The following SIRT7 variants were observed in gnomAD, a reference collection of about 807,000 sequenced individuals.
The protein encoded by SIRT7 is sirtuin 7.
In SIRT7, 32 loss-of-function variants were observed where a neutral mutation model predicts 42.8. That is an observed-to-expected ratio of 0.75 (90% confidence interval 0.56 to 1.00). The LOEUF is 1.00. Ranked by LOEUF, SIRT7 falls within the 50% of genes least tolerant of loss-of-function variation. The pLI, the probability that SIRT7 is intolerant of heterozygous loss-of-function variation, is 0.00. For synonymous variants in SIRT7, 297 were observed against 245.2 expected (o/e 1.21, Z -1.97); for missense variants, 553 against 572.2 (o/e 0.97, Z 0.34).
At chr17:81,914,254 G>A in intron 7 of SIRT7, 40 bp downstream of exon 7, 1 of 1,611,664 alleles carries the variant, frequency 6.2e-7, no homozygotes. Context: ...CCCTCGGGCG[G>A]GCAGGGGCTC....
At chr17:81,917,522 A>G in intron 3 of SIRT7, 93 bp downstream of exon 3, 1 of 1,122,000 alleles carries the variant, frequency 8.9e-7, no homozygotes, top group Non-Finnish European at 1.2e-6. Flanking sequence ...TTTCTTTAAG[A>G]GAAAAAACCT....
chr17:81,914,174 A>C lies in SIRT7; in HGVS notation c.817-7T>G. The C allele has an allele frequency of 6.2e-7, 1 of 1,613,526 alleles. No individual in the cohort carries two copies. Among genetic ancestry groups the C allele is most frequent in the Non-Finnish European group, 8.5e-7 (1 of 1,179,996 alleles). On this transcript the variant is annotated splice_polypyrimidine_tract_variant and splice_region_variant and intron_variant, in intron 7 of 9. Transcript: ENST00000328666. ...GTGGGTACTTCTTTAGAACCTGTGG[A>C]AGCAGACAGACAGACACCGCACACA...
chr17:81,915,116 C>T (rs1287782804), intron 5 of SIRT7: 3 of 503,856 alleles, frequency 6.0e-6, no homozygotes, highest in Non-Finnish European at 1.1e-5. Flanking sequence ...GCAGAAGGTC[C>T]CCAGAGATGT....
At chr17:81,916,628 G>C (rs546825896) in intron 3 of SIRT7, 1 of 152,082 alleles carries the variant, frequency 6.6e-6, no homozygotes, top group Non-Finnish European at 1.5e-5. Flanking sequence ...CACCATGCCC[G>C]ACTAATTTTT....
chr17:81,912,753 G>C (rs1214247125), intron 9 of SIRT7, 139 bp from the exon 10 acceptor site: 3 of 894,364 alleles, frequency 3.4e-6, no homozygotes, highest in Admixed American at 2.1e-5. Flanking sequence ...GGCTCTGGTT[G>C]GCGGCAGCTT....
At chr17:81,917,758 C>A in intron 2 of SIRT7, 39 bp from the exon 3 acceptor site, 1 of 1,469,892 alleles carries the variant, frequency 6.8e-7, no homozygotes, top group Non-Finnish European at 9.0e-7. Flanking sequence ...CCGGGCCGCC[C>A]CACCCGGGAC....
Position 81,912,535 on chromosome 17 carries a change from T to C in SIRT7, c.1084A>G (p.Arg362Gly), listed in dbSNP as rs1456441234. Residue 362 changes from arginine (R) to glycine (G), a missense_variant, in exon 10 of 10, where the codon AGA becomes GGA. Arg to Gly is a moderately radical substitution (Grantham distance 125). Transcript: ENST00000328666. ...CCAGGCGGGGCCTCCTCTCTGCTTC[T>C]GCACAGCGACTTCCGACTGTGGCTG... ...EGSHSRKSLC[R>G]SREEAPPGDR... is the part of the protein sequence containing the mutation. 1.2e-6 allele frequency: 2 copies of C among 1,613,676 alleles called. No homozygotes were observed. The highest frequency in any genetic ancestry group is 2.2e-5 in the South Asian group (2 of 91,092).
rs752939936 is a variant in SIRT7, at chr17:81,918,048, G to T, written c.84C>A (p.Arg28=). ...RRLREEQQRE[R]LRQVSRILRK... ...AGCGGCGGCGGCGTACCTGGCGGAG[G>T]CGCTCCCTCTGCTGCTCCTCCCGCA... The change falls in exon 1 of 10, where the codon CGC becomes CGA. Residue 28 remains arginine (R), a synonymous_variant. Transcript: ENST00000328666. The T allele has an allele frequency of 1.3e-5, 20 of 1,511,420 alleles. No individual in the cohort carries two copies. The African/African-American group carries it at 2.3e-4, about 17-fold the overall frequency. 93.6% of individuals were successfully genotyped at this position (1,511,420 alleles called of 1,614,324 possible).
chr17:81,917,512 T>C (rs2040827292), intron 3 of SIRT7, 103 bp downstream of exon 3: 1 of 1,044,946 alleles, frequency 9.6e-7, no homozygotes, highest in Non-Finnish European at 1.3e-6. Flanking sequence ...GGTCATTTCG[T>C]TTCTTTAAGA....
chr17:81,914,842 T>A, intron 5 of SIRT7, 140 bp from the exon 6 acceptor site: 1 of 674,292 alleles, frequency 1.5e-6, no homozygotes. Flanking sequence ...CCAGAGAGCC[T>A]TAGAAAGTAA....
In SIRT7 at chr17:81,914,663, G is replaced by A. The variant is rs2040759690; in HGVS notation, c.520C>T (p.Leu174=). Residue 174 remains leucine (L), a synonymous_variant, in exon 6 of 10, where the codon CTG becomes TTG. Coordinates refer to ENST00000328666, the MANE Select transcript of SIRT7 (RefSeq NM_016538.3). ...GCCGTGCGCGGCAGCCCACTCCTCA[G>A]GTGGAGCCCGTCACAGTTCTGAGAC... The part of the protein sequence containing the change: ...VVSQNCDGLH[L]RSGLPRTAIS... The A allele has an allele frequency of 2.5e-6, 4 of 1,612,904 alleles. No homozygotes were observed. Among genetic ancestry groups the A allele is most frequent in the Non-Finnish European group, 3.4e-6 (4 of 1,180,016 alleles).
chr17:81,915,631 A>C lies in SIRT7; in HGVS notation c.387T>G (p.Leu129=), dbSNP rs772110137. 1.2e-6 allele frequency: 2 copies of C among 1,613,802 alleles called. No homozygotes were observed. The highest frequency in any genetic ancestry group is 1.7e-6 in the Non-Finnish European group (2 of 1,180,012). Residue 129 remains leucine, a synonymous_variant, in exon 4 of 10, where the codon CTT becomes CTG. Coordinates refer to ENST00000328666, the MANE Select transcript of SIRT7 (RefSeq NM_016538.3). ...YRGPNGVWTL[L]QKGRSVSAAD... is the part of the protein sequence containing the mutation. ...CTTACCTAACGCTTCTCCCTTTCTG[A>C]AGCAGTGTCCACACTCCATTAGGGC...
At position 81,914,424 on chromosome 17, in the gene SIRT7, C is replaced by G; in HGVS notation, c.686G>C (p.Gly229Ala). ...CACAATGGTGTCCCGCAGCTGGGTC[C>G]CACACTTGTGGCAGGTCCGGCCTGT... ...HQTGRTCHKC[G>A]TQLRDTIVHF... is the part of the protein sequence containing the mutation. The change falls in exon 7 of 10, where the codon GGG becomes GCG. Residue 229 changes from glycine to alanine, a missense_variant. By Grantham distance (60) the Gly-to-Ala change is moderately conservative. Transcript: ENST00000328666. The G allele has an allele frequency of 6.2e-7, 1 of 1,613,398 alleles. No individual in the cohort carries two copies. Among genetic ancestry groups the G allele is most frequent in the African/African-American group, 1.3e-5 (1 of 75,054 alleles).
chr17:81,914,239 G>A, intron 7 of SIRT7, 55 bp downstream of exon 7: 1 of 1,611,800 alleles, frequency 6.2e-7, no homozygotes, highest in Non-Finnish European at 8.5e-7. Flanking sequence ...CCGCAGAGCT[G>A]GACACCCTCG....
chr17:81,912,939 G>C (rs1598339837), intron 9 of SIRT7: 1 of 428,094 alleles, frequency 2.3e-6, no homozygotes, highest in African/African-American at 2.0e-5. Context: ...CCGTCTCCAG[G>C]GATGAGTCAC....
chr17:81,914,031 T>C, intron 8 of SIRT7, 56 bp downstream of exon 8: 2 of 1,603,276 alleles, frequency 1.2e-6, no homozygotes, highest in Non-Finnish European at 1.7e-6. Context: ...GGGGTGTCTC[T>C]GGCTGTGCGT....
At position 81,911,951 on chromosome 17, in the gene SIRT7, A is replaced by C. The variant is rs2040665258; in HGVS notation, c.*465T>G. On this transcript the variant is annotated 3_prime_UTR_variant, in exon 10 of 10. Coordinates refer to ENST00000328666, the MANE Select transcript of SIRT7 (RefSeq NM_016538.3). ...GGGGACACCGGAAGCCAGTGCAGAAACGTTTAATAGAAATAAAAAGGTCTG... is the reference window on the plus strand; with the variant it reads ...GGGGACACCGGAAGCCAGTGCAGAACCGTTTAATAGAAATAAAAAGGTCTG... 1 of 172,264 alleles carries C rather than the reference A, an allele frequency of 5.8e-6. No individual in the cohort carries two copies. Among genetic ancestry groups the C allele is most frequent in the African/African-American group, 2.4e-5 (1 of 41,520 alleles). 10.7% of individuals were successfully genotyped at this position (172,264 alleles called of 1,614,324 possible).
chr17:81,913,604 TCCGCCAACCA>T lies in SIRT7; in HGVS notation c.1004+160_1004+169del, dbSNP rs1478034179. 11 of 620,090 alleles carry T rather than the reference TCCGCCAACCA, an allele frequency of 1.8e-5. No homozygotes were observed. Among genetic ancestry groups the T allele is most frequent in the Non-Finnish European group, 3.1e-5 (11 of 350,496 alleles). 38.4% of individuals were successfully genotyped at this position (620,090 alleles called of 1,614,324 possible). On this transcript the variant is annotated intron_variant, in intron 9 of 9. Coordinates refer to ENST00000328666, the MANE Select transcript of SIRT7 (RefSeq NM_016538.3). This position sits in a 1 kb window ranked among gnomAD's most constrained non-coding sequence, Gnocchi z 5.0. ...GGGCAGGAGTGGCACACGCAGGGTC[TCCGCCAACCA>T]CCGAGGTCAGGCCCTCTGGAGACCA...
intron 9 of SIRT7, 67 bp from the exon 10 acceptor site, chr17:81,912,681 C>G (rs1264862738): frequency 3.9e-6 from 6 of 1,525,448 alleles, no homozygotes; most frequent in Middle Eastern, 2.1e-4. Flanking sequence ...TGCCCCAGCT[C>G]GGGAAAGCTG....
Sources: gnomAD v4.1 joint callset for allele counts on GRCh38, gnomAD v4.1.1 for gene constraint, Gnocchi (gnomAD v3.1) non-coding constraint, MANE v1.5 for transcripts, NCBI Gene and HGNC (gene_info 2026-07-23, HGNC 2026-07-21) for gene names.